CSMD3: variants seen among roughly 807,000 people sequenced by gnomAD.
CSMD3 encodes CUB and sushi domain-containing protein 3.
Under a neutral mutation model 435.2 loss-of-function variants are expected in CSMD3, and 177 were observed. That is an observed-to-expected ratio of 0.41 (90% CI 0.36 to 0.46). The LOEUF (loss-of-function observed/expected upper bound fraction) is 0.46. Ranked by LOEUF, CSMD3 falls within the 20% of genes least tolerant of loss-of-function variation. The probability of loss-of-function intolerance (pLI) is 0.34; values close to 1 mark genes in which losing one functional copy is unlikely to be tolerated. For missense variants in CSMD3, 4,265 were observed against 4,504.6 expected (o/e 0.95, Z 1.52); for synonymous variants, 1,656 against 1,520.5 (o/e 1.09, Z -2.07).
chr8:112,863,302 T>C (rs1193847224), intron 10 of CSMD3, among the ~76,000 whole-genome samples: 1 of 151,888 alleles, frequency 6.6e-6, no homozygotes, highest in Non-Finnish European at 1.5e-5. Flanking sequence ...TATTTCTCAT[T>C]CTTTAATAGT....
rs779486481 is a variant in CSMD3, at chr8:112,801,880, TAA to T, written c.1860-1608_1860-1607del. Among the ~76,000 whole-genome samples, 10 of 152,040 alleles carry T rather than the reference TAA, an allele frequency of 6.6e-5. No homozygotes were observed. In the East Asian group the frequency reaches 1.5e-3, roughly 23 times the overall value. On this transcript the variant is annotated intron_variant, in intron 12 of 70. Transcript: ENST00000297405. ...CAGCAAACTACCTCAAAGAGAATAC[TAA>T]GAGTTGTTTTTCTGGGAAAATTGAA...
intron 7 of CSMD3, among the ~76,000 whole-genome samples, chr8:112,965,088 T>C (rs1414503188): frequency 6.6e-6 from 1 of 152,020 alleles, no homozygotes; most frequent in Non-Finnish European, 1.5e-5. Context: ...AAAATGTCTC[T>C]ACATAGGACC....
chr8:113,223,522 AAT>A (rs888700062), intron 3 of CSMD3, among the ~76,000 whole-genome samples: 4 of 150,332 alleles, frequency 2.7e-5, no homozygotes, highest in Non-Finnish European at 6.0e-5. Flanking sequence ...TCATTGCAAT[AAT>A]ATATATTAGC....
chr8:112,399,716 A>G (rs1267131994), intron 35 of CSMD3, among the ~76,000 whole-genome samples: 1 of 152,198 alleles, frequency 6.6e-6, no homozygotes, highest in African/African-American at 2.4e-5. Context: ...GAACACAATC[A>G]GCCACTTTTG....
chr8:112,494,837 G>A (rs1821175934), intron 30 of CSMD3, among the ~76,000 whole-genome samples: 1 of 152,088 alleles, frequency 6.6e-6, no homozygotes, highest in Non-Finnish European at 1.5e-5. Flanking sequence ...ACCTGTTGGG[G>A]AGGAGGTGTG....
At chr8:113,328,236 A>G (rs1041516350) in intron 1 of CSMD3, among the ~76,000 whole-genome samples, 17 of 151,682 alleles carry the variant, frequency 1.1e-4, no homozygotes, top group African/African-American at 4.1e-4. Flanking sequence ...CAGGAGATCG[A>G]GACCATCCCG....
chr8:113,034,989 A>G (rs2087279122), intron 5 of CSMD3, among the ~76,000 whole-genome samples: 2 of 152,060 alleles, frequency 1.3e-5, no homozygotes, highest in Admixed American at 1.3e-4. Flanking sequence ...ATCAACAACC[A>G]GAACATTAAC....
chr8:112,682,307 A>T (rs1437537170), intron 16 of CSMD3, 135 bp downstream of exon 16: 2 of 735,770 alleles, frequency 2.7e-6, no homozygotes, highest in Non-Finnish European at 4.7e-6. Context: ...TTAACAAGAT[A>T]TGTTTAATAT....
chr8:112,570,042 A>G (rs539722625), intron 24 of CSMD3, among the ~76,000 whole-genome samples: 5 of 152,214 alleles, frequency 3.3e-5, no homozygotes, highest in Admixed American at 3.3e-4. Flanking sequence ...AATGTACCAC[A>G]GAATGGACAG....
At chr8:112,606,188 G>A (rs919712208) in intron 22 of CSMD3, among the ~76,000 whole-genome samples, 5 of 152,134 alleles carry the variant, frequency 3.3e-5, no homozygotes, top group Non-Finnish European at 5.9e-5. Flanking sequence ...TATGTCGCCT[G>A]TACCCCAGGG....
At chr8:112,856,844 T>A (rs2080674520) in intron 11 of CSMD3, among the ~76,000 whole-genome samples, 1 of 151,844 alleles carries the variant, frequency 6.6e-6, no homozygotes, top group Admixed American at 6.6e-5. Flanking sequence ...CCAACTAGTA[T>A]AGCTGTATGC....
chr8:112,733,905 G>T (rs1053739915), intron 13 of CSMD3, among the ~76,000 whole-genome samples: 9 of 151,992 alleles, frequency 5.9e-5, no homozygotes, highest in African/African-American at 2.2e-4. Flanking sequence ...GGTGCTGTGA[G>T]ACTTAATTAA....
At chr8:112,910,455 C>T (rs538046285) in intron 10 of CSMD3, among the ~76,000 whole-genome samples, 1 of 151,728 alleles carries the variant, frequency 6.6e-6, no homozygotes, top group African/African-American at 2.4e-5. Context: ...CTTCCATTTC[C>T]CCCTACAAAA....
intron 13 of CSMD3, among the ~76,000 whole-genome samples, chr8:112,741,057 AG>A (rs2077294033): frequency 6.6e-6 from 1 of 151,934 alleles, no homozygotes; most frequent in African/African-American, 2.4e-5. Context: ...AGAGGATAAA[AG>A]GACAGAACTG....
intron 24 of CSMD3, among the ~76,000 whole-genome samples, chr8:112,569,806 C>CA (rs1829360653): frequency 6.6e-6 from 1 of 152,150 alleles, no homozygotes; most frequent in Non-Finnish European, 1.5e-5. Flanking sequence ...TGTCTTTCCT[C>CA]ATTCCTTTCT....
chr8:112,868,842 T>C (rs1253679491), intron 10 of CSMD3, among the ~76,000 whole-genome samples: 1 of 152,114 alleles, frequency 6.6e-6, no homozygotes, highest in Non-Finnish European at 1.5e-5. Flanking sequence ...CCTTGTCTTA[T>C]ACCTTATACA....
chr8:112,385,146 A>C (rs1418382589), intron 36 of CSMD3, among the ~76,000 whole-genome samples: 1 of 152,236 alleles, frequency 6.6e-6, no homozygotes, highest in Non-Finnish European at 1.5e-5. Flanking sequence ...AGTAGAGTAC[A>C]GTAGCTAAAT....
chr8:112,244,163 T>A (rs1419060107), intron 65 of CSMD3, among the ~76,000 whole-genome samples: 1 of 152,060 alleles, frequency 6.6e-6, no homozygotes, highest in East Asian at 1.9e-4. Context: ...AGAGAGAATT[T>A]GAAGATAGAA....
At chr8:112,991,303 T>A (rs1015772259) in intron 6 of CSMD3, among the ~76,000 whole-genome samples, 3 of 151,716 alleles carry the variant, frequency 2.0e-5, no homozygotes. Context: ...AAAACTCATG[T>A]TGTAGAATTT....
Sources: gnomAD v4.1 joint callset for allele counts (sites outside exome capture counted in the v4.1 genomes callset) on GRCh38, gnomAD v4.1.1 for gene constraint, MANE v1.5 for transcripts, NCBI Gene and HGNC (gene_info 2026-07-23, HGNC 2026-07-21) for gene names.